ATP1A3: variants seen among roughly 807,000 people sequenced by gnomAD.
ATP1A3 encodes ATPase Na+/K+ transporting subunit alpha 3, also known as sodium/potassium-transporting ATPase subunit alpha-3.
A neutral mutation model predicts 108.8 loss-of-function variants in ATP1A3; 12 were observed. That is an observed-to-expected ratio of 0.11 (90% CI 0.07 to 0.18). The LOEUF (loss-of-function observed/expected upper bound fraction) is 0.18. Among genes scored for constraint, ATP1A3 ranks in the 10% least tolerant of loss-of-function variants. The probability of loss-of-function intolerance (pLI) is 1.00; values close to 1 mark genes in which losing one functional copy is unlikely to be tolerated. For missense variants in ATP1A3, 498 were observed against 1,387.7 expected, an observed-to-expected ratio of 0.36 and a Z score of 10.19; for synonymous variants, 539 against 564.5, an observed-to-expected ratio of 0.95 and a Z score of 0.64.
intron 1 of ATP1A3, among the ~76,000 whole-genome samples, chr19:41,989,959 A>G: frequency 6.6e-6 from 1 of 151,910 alleles, no homozygotes; most frequent in East Asian, 1.9e-4. Context: ...TCTGCCTTGC[A>G]TGATGTCTGT....
rs370432758 is a variant in ATP1A3, at chr19:41,976,315, C to A, written c.2094+101G>T. 304 of 1,521,762 alleles carry A rather than the reference C, an allele frequency of 2.0e-4. No individual in the cohort carries two copies. In the African/African-American group the frequency reaches 3.7e-3, roughly 18 times the overall value. 94.3% of individuals were successfully genotyped at this position (1,521,762 alleles called of 1,614,324 possible). A position where few individuals can be genotyped will look rare whatever the true frequency, so the allele number is the denominator to read the frequency against. On this transcript the variant is annotated intron_variant, in intron 15 of 22. Transcript: ENST00000648268. ...CTCTCTCAGACCCAGGGGTCCAGAC[C>A]CCCAGCCCCTCCTCCCTCAGACCCA...
intron 8 of ATP1A3, among the ~76,000 whole-genome samples, chr19:41,983,062 C>T (rs1399137269): frequency 6.6e-6 from 1 of 152,060 alleles, no homozygotes; most frequent in Non-Finnish European, 1.5e-5. Context: ...TTCAACATTG[C>T]TAATATGGAA....
chr19:41,978,325 A>T lies in ATP1A3; in HGVS notation c.1632T>A (p.Gly544=), dbSNP rs1555862168. The part of the protein sequence containing the change: ...ELGGLGERVL[G]FCHYYLPEEQ... ...CCTCGGGCAGGTAATAATGGCAGAA[A>T]CCTAGTGGCAGGGAAGGGTTGGGGT... Residue 544 remains glycine (G), a splice_region_variant and synonymous_variant, in exon 13 of 23, where the codon GGT becomes GGA. Transcript: ENST00000648268. This position sits in a 1 kb window ranked among gnomAD's most constrained non-coding sequence, Gnocchi z 8.3. 1 of 1,597,292 alleles carries T rather than the reference A, an allele frequency of 6.3e-7. No individual in the cohort carries two copies. Among genetic ancestry groups the T allele is most frequent in the Non-Finnish European group, 8.5e-7 (1 of 1,172,514 alleles).
At chr19:41,976,664 AC>A in intron 14 of ATP1A3, 98 bp from the exon 15 acceptor site, 1 of 1,543,598 alleles carries the variant, frequency 6.5e-7, no homozygotes, top group Non-Finnish European at 8.8e-7. Context: ...CAGCCCCACA[AC>A]CAGGAGAGCC....
intron 14 of ATP1A3, 87 bp downstream of exon 14, chr19:41,977,849 G>C: frequency 6.4e-7 from 1 of 1,559,498 alleles, no homozygotes. Context: ...GGGACAGGCA[G>C]TGCAGAGGGA....
rs1381061305 is a variant in ATP1A3 at position 41,967,870 on chromosome 19, C to T, written c.2820-107G>A. Reference sequence around the variant, plus strand: ...GTGCAGACACCCAGAGACAGCAGCACAGACACAGAGACAGAGAGGCAGAGA... The same window carrying T: ...GTGCAGACACCCAGAGACAGCAGCATAGACACAGAGACAGAGAGGCAGAGA... On this transcript the variant is annotated intron_variant, in intron 20 of 22. Coordinates refer to ENST00000648268, the MANE Select transcript of ATP1A3 (RefSeq NM_152296.5). The surrounding 1 kb of genome is among the most constrained non-coding windows in gnomAD (Gnocchi z 4.2). 10 of 928,994 alleles carry T rather than the reference C, an allele frequency of 1.1e-5. No individual in the cohort carries two copies. The highest frequency in any genetic ancestry group is 1.6e-5 in the Non-Finnish European group (9 of 577,460). The allele number at this position is 928,994 out of a possible 1,614,324, so 57.5% of individuals were successfully genotyped here.
intron 4 of ATP1A3, among the ~76,000 whole-genome samples, chr19:41,986,981 T>G (rs2075293115): frequency 6.6e-6 from 1 of 151,206 alleles, no homozygotes; most frequent in Admixed American, 6.6e-5. Context: ...TGGTCTCAAG[T>G]TACCCTCCTG....
At chr19:41,987,829 G>C (rs1271548831) in intron 4 of ATP1A3, 107 bp downstream of exon 4, 2 of 1,367,278 alleles carry the variant, frequency 1.5e-6, no homozygotes, top group Non-Finnish European at 1.0e-6. Context: ...ATGGGAAAAA[G>C]GGGGAGAGTG....
rs1840195339 is a variant in ATP1A3, at chr19:41,988,741, G to A, written c.7-179C>T. On this transcript the variant is annotated intron_variant, in intron 1 of 22. Coordinates refer to ENST00000648268, the MANE Select transcript of ATP1A3 (RefSeq NM_152296.5). The surrounding 1 kb of genome is among the most constrained non-coding windows in gnomAD (Gnocchi z 5.3). ...CCTGTGTCTCCCGGAGCCTCTGGGTGACTTCACCTCCCTTCTGCCTCTGGT... is the reference window on the plus strand; with the variant it reads ...CCTGTGTCTCCCGGAGCCTCTGGGTAACTTCACCTCCCTTCTGCCTCTGGT... The A allele has an allele frequency of 7.6e-7, 1 of 1,321,328 alleles. No individual in the cohort carries two copies. The highest frequency in any genetic ancestry group is 1.4e-5 in the South Asian group (1 of 69,386). 81.9% of individuals were successfully genotyped at this position (1,321,328 alleles called of 1,614,324 possible). A position where few individuals can be genotyped will look rare whatever the true frequency, so the allele number is the denominator to read the frequency against.
At chr19:41,973,518 A>C (rs1555860375) in intron 16 of ATP1A3, among the ~76,000 whole-genome samples, 1 of 152,180 alleles carries the variant, frequency 6.6e-6, no homozygotes, top group African/African-American at 2.4e-5. Flanking sequence ...GGTCTCCCAA[A>C]GTGCTGGGAT....
intron 1 of ATP1A3, among the ~76,000 whole-genome samples, chr19:41,992,700 T>A (rs2075351856): frequency 6.6e-6 from 1 of 151,496 alleles, no homozygotes; most frequent in South Asian, 2.1e-4. Flanking sequence ...TCTGCTTGTC[T>A]CTGTCTCTTT....
At position 41,966,892 on chromosome 19, in the gene ATP1A3, G is replaced by A; in HGVS notation, c.*45C>T. The A allele has an allele frequency of 6.4e-7, 1 of 1,551,116 alleles. No homozygotes were observed. The highest frequency in any genetic ancestry group is 8.7e-7 in the Non-Finnish European group (1 of 1,146,910). ...GGGGGGACTGACAGGGGCGGTCCTG[G>A]GCCTGGGGGACGGGGAAGAGATGGG... On this transcript the variant is annotated 3_prime_UTR_variant, in exon 23 of 23. Coordinates refer to ENST00000648268, the MANE Select transcript of ATP1A3 (RefSeq NM_152296.5).
intron 8 of ATP1A3, among the ~76,000 whole-genome samples, chr19:41,983,805 G>A (rs1400328429): frequency 2.5e-5 from 3 of 121,352 alleles, no homozygotes; most frequent in Admixed American, 1.0e-4. Flanking sequence ...ACAGAATCTC[G>A]CTTTTGTCGC....
At position 41,967,613 on chromosome 19, in the gene ATP1A3, C is replaced by G; in HGVS notation, c.2921+49G>C. 6.3e-7 allele frequency: 1 copy of G among 1,589,848 alleles called. No homozygotes were observed. Among genetic ancestry groups the G allele is most frequent in the South Asian group, 1.1e-5 (1 of 89,824 alleles). ...TTCAGGCTGAGTCTAAGGGAAGGCT[C>G]CATGGCAGGCGCTGGTGTGGGCAGG... On this transcript the variant is annotated intron_variant, in intron 21 of 22. Coordinates refer to ENST00000648268, the MANE Select transcript of ATP1A3 (RefSeq NM_152296.5). This position sits in a 1 kb window ranked among gnomAD's most constrained non-coding sequence, Gnocchi z 4.2.
intron 11 of ATP1A3, among the ~76,000 whole-genome samples, chr19:41,980,756 A>G (rs1304372994): frequency 6.6e-6 from 1 of 151,896 alleles, no homozygotes; most frequent in African/African-American, 2.4e-5. Flanking sequence ...CTAAAAATAC[A>G]AAAAATTAGC....
intron 16 of ATP1A3, among the ~76,000 whole-genome samples, chr19:41,971,207 C>A (rs1599708068): frequency 6.6e-6 from 1 of 152,196 alleles, no homozygotes; most frequent in East Asian, 1.9e-4. Flanking sequence ...GATTCCATCT[C>A]AGCCTCCCGA....
chr19:41,967,488 G>A lies in ATP1A3; in HGVS notation c.2922-148C>T, dbSNP rs2075056161. Reference sequence around the variant, plus strand: ...GCCCTGGGCGGGGCTGGGGCCTGGGGTCTTCGGAGTAATCCGTGGTGGGAG... The same window carrying A: ...GCCCTGGGCGGGGCTGGGGCCTGGGATCTTCGGAGTAATCCGTGGTGGGAG... On this transcript the variant is annotated intron_variant, in intron 21 of 22. Coordinates refer to ENST00000648268, the MANE Select transcript of ATP1A3 (RefSeq NM_152296.5). This position sits in a 1 kb window ranked among gnomAD's most constrained non-coding sequence, Gnocchi z 4.2. 8.4e-7 allele frequency: 1 copy of A among 1,195,362 alleles called. No individual in the cohort carries two copies. The highest frequency in any genetic ancestry group is 1.2e-6 in the Non-Finnish European group (1 of 852,478). The allele number at this position is 1,195,362 out of a possible 1,614,324, so 74.0% of individuals were successfully genotyped here. A position where few individuals can be genotyped will look rare whatever the true frequency, so the allele number is the denominator to read the frequency against.
chr19:41,977,249 A>G (rs1291998368), intron 14 of ATP1A3, among the ~76,000 whole-genome samples: 1 of 152,210 alleles, frequency 6.6e-6, no homozygotes, highest in Non-Finnish European at 1.5e-5. Flanking sequence ...AGACAGGAAA[A>G]AAGAGAGACA....
chr19:41,991,976 G>C (rs1368470203), intron 1 of ATP1A3, among the ~76,000 whole-genome samples: 2 of 147,234 alleles, frequency 1.4e-5, no homozygotes, highest in African/African-American at 5.3e-5. Flanking sequence ...AGGGAAGAGG[G>C]GCTGGGGCCT....
Sources: allele counts gnomAD v4.1 joint callset (sites outside exome capture counted in the v4.1 genomes callset), GRCh38; gene constraint gnomAD v4.1.1; non-coding constraint Gnocchi (gnomAD v3.1); transcripts MANE v1.5; gene names NCBI Gene and HGNC (gene_info 2026-07-23, HGNC 2026-07-21).